Variants in CLYBL observed in about 807,000 individuals in gnomAD.
CLYBL encodes the protein citramalyl-CoA lyase, mitochondrial.
In CLYBL, 31 loss-of-function variants were observed where a neutral mutation model predicts 38.9. The observed-to-expected ratio is 0.80, with a 90% confidence interval of 0.60 to 1.08. The LOEUF (loss-of-function observed/expected upper bound fraction) is 1.08, where lower values mean the gene tolerates loss of function less well. CLYBL is among the 50% of genes least tolerant of loss of function. CLYBL has a pLI of 0.00. For missense variants in CLYBL, 434 were observed against 411.6 expected (o/e 1.05, Z -0.47); for synonymous variants, 171 against 158.6 (o/e 1.08, Z -0.59).
At chr13:99,631,096 T>C (rs944357051) in intron 1 of CLYBL, among the ~76,000 whole-genome samples, 2 of 152,080 alleles carry the variant, frequency 1.3e-5, no homozygotes, top group Non-Finnish European at 2.9e-5. Flanking sequence ...CAGAGGCAGG[T>C]GGGTTACTTG....
intron 1 of CLYBL, among the ~76,000 whole-genome samples, chr13:99,674,210 G>A (rs2047610419): frequency 7.4e-6 from 1 of 134,738 alleles, no homozygotes; most frequent in African/African-American, 2.9e-5. Context: ...GGAGTGCAAT[G>A]GTGTGGTCTT....
At chr13:99,857,571 T>A (rs754842876) in intron 2 of CLYBL, among the ~76,000 whole-genome samples, 1 of 152,306 alleles carries the variant, frequency 6.6e-6, no homozygotes, top group Non-Finnish European at 1.5e-5. Flanking sequence ...ACTCTTCCCA[T>A]CTGACCCGAC....
chr13:99,718,836 C>G lies in CLYBL; in HGVS notation c.63-53988C>G, dbSNP rs2048354962. ...TAATTCAGTCACTCACTCAGCAATA[C>G]CTGTTGAGAATTTTTTTTTTTTCTG... On this transcript the variant is annotated intron_variant, in intron 1 of 8. Transcript: ENST00000339105. 1.3e-5 allele frequency among the ~76,000 whole-genome samples: 2 copies of G among 152,128 alleles called. 1 individual carries two copies. The highest frequency in any genetic ancestry group is 3.9e-4 in the East Asian group (2 of 5,172).
chr13:99,811,941 A>G (rs1261527643), intron 2 of CLYBL, among the ~76,000 whole-genome samples: 2 of 152,212 alleles, frequency 1.3e-5, no homozygotes, highest in Admixed American at 1.3e-4. Flanking sequence ...AGTCACTGAT[A>G]TTTATTTAAT....
chr13:99,663,079 G>A (rs899303952), intron 1 of CLYBL, among the ~76,000 whole-genome samples: 3 of 152,198 alleles, frequency 2.0e-5, no homozygotes, highest in Admixed American at 6.5e-5. Context: ...TTTGAAATAT[G>A]ATCATTTGCC....
chr13:99,667,433 CTTTTTTTTTTTT>C (rs369360327), intron 1 of CLYBL, among the ~76,000 whole-genome samples: 1 of 127,818 alleles, frequency 7.8e-6, no homozygotes, highest in African/African-American at 2.9e-5. Flanking sequence ...AAGAATCTTG[CTTTTTTTTTTTT>C]TTTTTTTTTT....
intron 7 of CLYBL, among the ~76,000 whole-genome samples, chr13:99,887,709 C>T (rs551923584): frequency 2.6e-5 from 4 of 152,256 alleles, no homozygotes; most frequent in South Asian, 2.1e-4. Flanking sequence ...GCCGTGATGA[C>T]GCCACTGCAC....
intron 1 of CLYBL, among the ~76,000 whole-genome samples, chr13:99,646,583 G>A (rs977105204): frequency 7.6e-5 from 11 of 145,080 alleles, no homozygotes; most frequent in African/African-American, 2.0e-4. Context: ...GCGTGATCTC[G>A]GCTCACTGCA....
rs573370999 is a variant in CLYBL at position 99,620,809 on chromosome 13, A to G, written c.62+14052A>G. 5.8e-4 allele frequency among the ~76,000 whole-genome samples: 75 copies of G among 129,418 alleles called. No homozygotes were observed. In the East Asian group the frequency reaches 0.013, roughly 22 times the overall value. 84.9% of individuals were successfully genotyped at this position (129,418 alleles called of 152,430 possible). On this transcript the variant is annotated intron_variant, in intron 1 of 8. Coordinates refer to ENST00000339105, the MANE Select transcript of CLYBL (RefSeq NM_206808.5). The stretch of plus-strand genomic sequence containing the variant: ...AAGAAAGAAAAAGAGAGAGAGAGAA[A>G]GAGAGAGAGAGAGAGAAAGAAAGAA...
chr13:99,793,921 A>G (rs1269275101), intron 2 of CLYBL, among the ~76,000 whole-genome samples: 1 of 152,066 alleles, frequency 6.6e-6, no homozygotes, highest in African/African-American at 2.4e-5. Context: ...TGCAGCTTAA[A>G]TGATTCAAAG....
intron 2 of CLYBL, among the ~76,000 whole-genome samples, chr13:99,851,821 A>G (rs145898729): frequency 2.6e-5 from 4 of 152,340 alleles, no homozygotes; most frequent in African/African-American, 7.2e-5. Flanking sequence ...CATATGACCC[A>G]GGAATTCTAC....
In CLYBL at chr13:99,849,850, G is replaced by A. The variant is rs72653992; in HGVS notation, c.250-9011G>A. ...TCAGGGCCAGGGCAAGGCAGCCAAG[G>A]AGGCAGACAGAAGTAAGCCCCTTCT... On this transcript the variant is annotated intron_variant, in intron 2 of 8. Transcript: ENST00000339105. The surrounding 1 kb of genome is among the most constrained non-coding windows in gnomAD (Gnocchi z 4.9). Among the ~76,000 whole-genome samples, 3,081 of 152,290 alleles carry A rather than the reference G, an allele frequency of 0.02. 41 individuals are homozygous for A. Among genetic ancestry groups the A allele is most frequent in the Middle Eastern group, 0.051 (15 of 294 alleles).
At chr13:99,626,384 C>G (rs541921807) in intron 1 of CLYBL, among the ~76,000 whole-genome samples, 29 of 152,348 alleles carry the variant, frequency 1.9e-4, no homozygotes, top group Non-Finnish European at 3.4e-4. Flanking sequence ...CAGCCCAGGA[C>G]TGACTTCAGA....
chr13:99,654,961 C>T (rs9517816), intron 1 of CLYBL, among the ~76,000 whole-genome samples: 4,415 of 152,072 alleles, frequency 0.029, 92 homozygotes, highest in Middle Eastern at 0.12. Flanking sequence ...GCCGAGATCG[C>T]GCTCCGAAGT....
intron 2 of CLYBL, among the ~76,000 whole-genome samples, chr13:99,796,187 A>G (rs1032151219): frequency 6.6e-6 from 1 of 152,164 alleles, no homozygotes; most frequent in Admixed American, 6.5e-5. Context: ...GCTGGCAGCC[A>G]TGATTGGGCT....
intron 1 of CLYBL, among the ~76,000 whole-genome samples, chr13:99,643,386 G>GTCT (rs1241778148): frequency 3.3e-5 from 5 of 152,108 alleles, no homozygotes; most frequent in Admixed American, 6.5e-5. Context: ...GTCATCTAGG[G>GTCT]TCTGTAATTA....
chr13:99,742,723 T>C (rs1190985778), intron 1 of CLYBL, among the ~76,000 whole-genome samples: 2 of 152,230 alleles, frequency 1.3e-5, no homozygotes, highest in Non-Finnish European at 2.9e-5. Flanking sequence ...CTTAATAAGT[T>C]TGAATTTTCG....
intron 1 of CLYBL, among the ~76,000 whole-genome samples, chr13:99,678,860 G>A (rs902118405): frequency 6.6e-6 from 1 of 151,928 alleles, no homozygotes; most frequent in Non-Finnish European, 1.5e-5. Context: ...ATTCCAGAAA[G>A]TACAGGATAA....
chr13:99,870,829 T>TA (rs2051870388), intron 6 of CLYBL, 109 bp from the exon 7 acceptor site: 6 of 1,100,600 alleles, frequency 5.5e-6, no homozygotes. Flanking sequence ...TTAAATTAGT[T>TA]ATTTAACATA....
Sources: allele counts gnomAD v4.1 joint callset (sites outside exome capture counted in the v4.1 genomes callset), GRCh38; gene constraint gnomAD v4.1.1; non-coding constraint Gnocchi (gnomAD v3.1); transcripts MANE v1.5; gene names NCBI Gene and HGNC (gene_info 2026-07-23, HGNC 2026-07-21).